Variants in MINDY4 observed in about 807,000 individuals in gnomAD.
The protein encoded by MINDY4 is probable ubiquitin carboxyl-terminal hydrolase MINDY-4.
MINDY4 carries 68 observed loss-of-function variants against 87.0 expected under a neutral mutation model. The observed-to-expected ratio is 0.78, with a 90% CI of 0.64 to 0.96. The LOEUF is 0.96. Ranked by LOEUF, MINDY4 falls within the 40% of genes least tolerant of loss-of-function variation. MINDY4 has a pLI of 0.00. For synonymous variants in MINDY4, 379 were observed against 363.2 expected (o/e 1.04, Z -0.50); for missense variants, 919 against 928.2 (o/e 0.99, Z 0.13).
At chr7:30,865,289 C>G (rs1478659609) in intron 13 of MINDY4, among the ~76,000 whole-genome samples, 3 of 152,234 alleles carry the variant, frequency 2.0e-5, no homozygotes, top group Non-Finnish European at 4.4e-5. Context: ...AGCTGGGAAA[C>G]AGGAGAAGAG....
chr7:30,881,755 AGGC>A (rs1790468696), intron 15 of MINDY4, among the ~76,000 whole-genome samples: 1 of 152,214 alleles, frequency 6.6e-6, no homozygotes, highest in Non-Finnish European at 1.5e-5. Context: ...AGCAAGCTCT[AGGC>A]TAGTGGACAA....
At position 30,771,417 on chromosome 7, in the gene MINDY4, A is replaced by G. The variant is rs1786626686; in HGVS notation, c.-77A>G. On this transcript the variant is annotated 5_prime_UTR_variant, in exon 1 of 18. Transcript: ENST00000265299. ...CCGCCGTCGCCACGGCAACGCGGCC[A>G]TACTGCGCCGGACAGACCCAGTTGC... 18 of 1,385,474 alleles carry G rather than the reference A, an allele frequency of 1.3e-5. No homozygotes were observed. The highest frequency in any genetic ancestry group is 1.0e-4 in the South Asian group (8 of 77,756). 85.8% of individuals were successfully genotyped at this position (1,385,474 alleles called of 1,614,324 possible). A position where few individuals can be genotyped will look rare whatever the true frequency, so the allele number is the denominator to read the frequency against.
chr7:30,784,481 C>T (rs1241020353), intron 3 of MINDY4, among the ~76,000 whole-genome samples: 1 of 152,198 alleles, frequency 6.6e-6, no homozygotes, highest in Non-Finnish European at 1.5e-5. Flanking sequence ...GTGATCTTCC[C>T]CTCAAATCCG....
chr7:30,854,543 G>A (rs997965896), intron 12 of MINDY4, among the ~76,000 whole-genome samples: 2 of 151,310 alleles, frequency 1.3e-5, no homozygotes, highest in Non-Finnish European at 3.0e-5. Flanking sequence ...TTCTCTCCTG[G>A]TGTGCTGGCT....
intron 6 of MINDY4, among the ~76,000 whole-genome samples, chr7:30,832,437 C>T (rs976789772): frequency 3.3e-5 from 5 of 152,228 alleles, no homozygotes; most frequent in African/African-American, 1.2e-4. Context: ...CATCTCTTTT[C>T]CTCCAGAGAA....
chr7:30,856,177 C>T (rs1789563941), intron 12 of MINDY4, among the ~76,000 whole-genome samples: 1 of 152,152 alleles, frequency 6.6e-6, no homozygotes, highest in African/African-American at 2.4e-5. Context: ...AAGAATAGCC[C>T]CTTCTTCCCA....
At chr7:30,851,537 G>C (rs746071337) in intron 10 of MINDY4, among the ~76,000 whole-genome samples, 4 of 152,158 alleles carry the variant, frequency 2.6e-5, no homozygotes, top group Non-Finnish European at 2.9e-5. Context: ...CCACGTTTTA[G>C]ATATCGTTAT....
intron 2 of MINDY4, chr7:30,781,723 G>A (rs543838109): frequency 2.2e-6 from 1 of 459,350 alleles, no homozygotes; most frequent in Non-Finnish European, 3.8e-6. Context: ...TTTTATTCTA[G>A]TTGTTTATTG....
intron 15 of MINDY4, among the ~76,000 whole-genome samples, chr7:30,880,365 A>C (rs1790426327): frequency 1.4e-5 from 2 of 147,554 alleles, no homozygotes; most frequent in Admixed American, 6.7e-5. Flanking sequence ...ATTTAAAGGA[A>C]GTGAATTTCA....
chr7:30,787,581 G>A (rs1258386325), intron 4 of MINDY4, among the ~76,000 whole-genome samples: 1 of 152,216 alleles, frequency 6.6e-6, no homozygotes, highest in African/African-American at 2.4e-5. Flanking sequence ...CACCATTATT[G>A]GGTTGAGTGG....
At chr7:30,883,399 T>TG (rs1222479823) in intron 17 of MINDY4, among the ~76,000 whole-genome samples, 1 of 152,056 alleles carries the variant, frequency 6.6e-6, no homozygotes, top group African/African-American at 2.4e-5. Flanking sequence ...TGGCCCAGCC[T>TG]GGGGGTGGCA....
Position 30,882,349 on chromosome 7 carries a change from C to G in MINDY4, c.2140C>G (p.Arg714Gly). ...CCTGGCCAACCAGCAGGAGCAGATC[C>G]GGCTGACCATTGGTGCGGGCCCTCA... ...DGLANQQEQI[R>G]LTIDTTQTIS... Residue 714 changes from arginine to glycine, a missense_variant, in exon 16 of 18, where the codon CGG (arginine) becomes GGG (glycine). Coordinates refer to ENST00000265299, the MANE Select transcript of MINDY4 (RefSeq NM_032222.3). 6.3e-7 allele frequency: 1 copy of G among 1,596,646 alleles called. No homozygotes were observed. Among genetic ancestry groups the G allele is most frequent in the South Asian group, 1.1e-5 (1 of 89,990 alleles).
intron 9 of MINDY4, among the ~76,000 whole-genome samples, chr7:30,850,144 C>T (rs1382207268): frequency 6.6e-6 from 1 of 152,218 alleles, no homozygotes; most frequent in Non-Finnish European, 1.5e-5. Flanking sequence ...GGCACTTTCT[C>T]TCACACACTT....
At chr7:30,862,040 A>G (rs1789782152) in intron 13 of MINDY4, among the ~76,000 whole-genome samples, 1 of 152,258 alleles carries the variant, frequency 6.6e-6, no homozygotes, top group Non-Finnish European at 1.5e-5. Flanking sequence ...TTCAAGTTCA[A>G]AAGAACTTTA....
intron 5 of MINDY4, among the ~76,000 whole-genome samples, chr7:30,794,463 A>G (rs17159456): frequency 0.031 from 4,782 of 152,054 alleles, 265 homozygotes; most frequent in African/African-American, 0.11. Context: ...GCCTCCAAAC[A>G]TCAGGTTCAG....
rs149782961 is a variant in MINDY4, at chr7:30,804,469, G to A, written c.1073+12895G>A. ...TTGCTTGTTCGAATGGTGTTGGGGAGAGAAATGCTGAAGATGAGGTTCCTG... is the reference window on the plus strand; with the variant it reads ...TTGCTTGTTCGAATGGTGTTGGGGAAAGAAATGCTGAAGATGAGGTTCCTG... On this transcript the variant is annotated intron_variant, in intron 5 of 17. Transcript: ENST00000265299. 2.0e-4 allele frequency among the ~76,000 whole-genome samples: 30 copies of A among 152,280 alleles called. 1 individual carries two copies. The highest frequency in any genetic ancestry group is 7.0e-4 in the African/African-American group (29 of 41,548).
At position 30,773,213 on chromosome 7, in the gene MINDY4, C is replaced by G. The variant is rs182800968; in HGVS notation, c.63+1657C>G. On this transcript the variant is annotated intron_variant, in intron 1 of 17. Transcript: ENST00000265299. Reference sequence around the variant, plus strand: ...TTGCACAGGCAGTCATTGCACCCAGCAGTCGTAACCAAGAGAGCTGCCACC... The same window carrying G: ...TTGCACAGGCAGTCATTGCACCCAGGAGTCGTAACCAAGAGAGCTGCCACC... Among the ~76,000 whole-genome samples, 15 of 152,370 alleles carry G rather than the reference C, an allele frequency of 9.8e-5. No homozygotes were observed. In the East Asian group the frequency reaches 2.7e-3, roughly 27 times the overall value.
chr7:30,868,918 G>T (rs757762829), intron 13 of MINDY4, among the ~76,000 whole-genome samples: 6 of 151,362 alleles, frequency 4.0e-5, no homozygotes, highest in Admixed American at 6.6e-5. Flanking sequence ...AGAGGTTGGT[G>T]TCAGGGCAGC....
intron 12 of MINDY4, chr7:30,858,801 C>T (rs1789658728): frequency 2.8e-6 from 1 of 361,574 alleles, no homozygotes; most frequent in Admixed American, 3.7e-5. Flanking sequence ...TTAGAGATCC[C>T]TGGAGTCCCA....
Sources: gnomAD v4.1 joint callset for allele counts (sites outside exome capture counted in the v4.1 genomes callset) on GRCh38, gnomAD v4.1.1 for gene constraint, MANE v1.5 for transcripts, NCBI Gene and HGNC (gene_info 2026-07-23, HGNC 2026-07-21) for gene names.